SAMM50: variants seen among roughly 807,000 people sequenced by gnomAD.
SAMM50 encodes the protein SAMM50 sorting and assembly machinery component.
Under a neutral mutation model 66.9 loss-of-function variants are expected in SAMM50, and 47 were observed. The observed-to-expected ratio is 0.70, with a 90% CI of 0.56 to 0.90. SAMM50 has a LOEUF of 0.90. SAMM50 is among the 40% of genes least tolerant of loss of function. SAMM50 has a pLI of 0.00. For missense variants in SAMM50, 535 were observed against 595.3 expected (o/e 0.90, Z 1.05); for synonymous variants, 191 against 214.1 (o/e 0.89, Z 0.94).
Position 43,983,709 on chromosome 22 carries a change from C to T in SAMM50, c.1008-224C>T, listed in dbSNP as rs1018675751. 2.6e-5 allele frequency among the ~76,000 whole-genome samples: 4 copies of T among 152,156 alleles called. No homozygotes were observed. The highest frequency in any genetic ancestry group is 9.7e-5 in the African/African-American group (4 of 41,438). On this transcript the variant is annotated intron_variant, in intron 11 of 14. Coordinates refer to ENST00000350028, the MANE Select transcript of SAMM50 (RefSeq NM_015380.5). The surrounding 1 kb of genome is among the most constrained non-coding windows in gnomAD (Gnocchi z 4.2). ...TGTTTCTTGGCATCTTGTGTCTCAC[C>T]TGCATCTCCAAAGTTTGCAGTGTCT...
chr22:43,990,256 T>C lies in SAMM50; in HGVS notation c.1223-9T>C, dbSNP rs780760585. 9.9e-6 allele frequency: 16 copies of C among 1,614,120 alleles called. No individual in the cohort carries two copies. The highest frequency in any genetic ancestry group is 5.0e-5 in the Admixed American group (3 of 60,018). On this transcript the variant is annotated splice_polypyrimidine_tract_variant and intron_variant, in intron 13 of 14. Transcript: ENST00000350028. ...ACGCACTGTTGCTCACAGGTCTTTC[T>C]CTTTTCAGGGGAGGGCCCCAAAGCT...
chr22:43,984,449 A>G (rs2146823882), intron 12 of SAMM50, among the ~76,000 whole-genome samples: 1 of 150,780 alleles, frequency 6.6e-6, no homozygotes, highest in African/African-American at 2.4e-5. Flanking sequence ...AGTAGCTGGG[A>G]TTACAGGCAC....
intron 3 of SAMM50, among the ~76,000 whole-genome samples, chr22:43,967,884 A>G (rs763352549): frequency 6.6e-6 from 1 of 152,192 alleles, no homozygotes; most frequent in African/African-American, 2.4e-5. Context: ...GCTGTTGACA[A>G]CAAAGAAAGG....
chr22:43,962,260 G>A (rs2094863868), intron 1 of SAMM50, among the ~76,000 whole-genome samples: 1 of 152,218 alleles, frequency 6.6e-6, no homozygotes, highest in Admixed American at 6.5e-5. Flanking sequence ...TACTGTAAGT[G>A]AAAATCAGAA....
chr22:43,978,674 G>T (rs1038750838), intron 10 of SAMM50, among the ~76,000 whole-genome samples: 32 of 151,442 alleles, frequency 2.1e-4, no homozygotes, highest in African/African-American at 7.5e-4. Context: ...TGTTGGGTCA[G>T]TTTCTCCTGA....
chr22:43,967,777 G>A (rs185266130), intron 3 of SAMM50, among the ~76,000 whole-genome samples: 5 of 152,240 alleles, frequency 3.3e-5, no homozygotes, highest in East Asian at 1.9e-4. Context: ...CTTATCACAC[G>A]AGGGCCTTTC....
chr22:43,974,877 C>T (rs1183559061), intron 7 of SAMM50: 1 of 152,102 alleles, frequency 6.6e-6, no homozygotes, highest in African/African-American at 2.4e-5. Flanking sequence ...GTAGAAATAC[C>T]TTATTTTTTC....
At chr22:43,977,272 G>T (rs1180214587) in intron 9 of SAMM50, among the ~76,000 whole-genome samples, 1 of 152,194 alleles carries the variant, frequency 6.6e-6, no homozygotes, top group East Asian at 1.9e-4. Context: ...CTGTCTTTGG[G>T]TTGCCCTCTT....
intron 1 of SAMM50, among the ~76,000 whole-genome samples, chr22:43,962,016 ATGTG>A (rs2050149486): frequency 6.6e-6 from 1 of 151,870 alleles, no homozygotes; most frequent in African/African-American, 2.4e-5. Context: ...GTGTGTGTGT[ATGTG>A]ATATTATGTT....
rs551605425 is a variant in SAMM50 at position 43,955,893 on chromosome 22, C to T, written c.21+295C>T. On this transcript the variant is annotated intron_variant, in intron 1 of 14. Coordinates refer to ENST00000350028, the MANE Select transcript of SAMM50 (RefSeq NM_015380.5). ...TGTCTTAGACCGCAGTGAATGTGCT[C>T]TTTCTTTGCATGATTTTAAGTTTTC... Among the ~76,000 whole-genome samples, 4 of 152,368 alleles carry T rather than the reference C, an allele frequency of 2.6e-5. No individual in the cohort carries two copies. The East Asian group carries it at 5.8e-4, about 22-fold the overall frequency.
At chr22:43,994,375 C>T (rs2050341742) in intron 14 of SAMM50, among the ~76,000 whole-genome samples, 1 of 152,206 alleles carries the variant, frequency 6.6e-6, no homozygotes, top group Non-Finnish European at 1.5e-5. Flanking sequence ...AGGACTTCAT[C>T]TGCCTTGTTC....
intron 14 of SAMM50, among the ~76,000 whole-genome samples, chr22:43,994,097 G>C (rs893615722): frequency 2.0e-5 from 3 of 152,298 alleles, no homozygotes; most frequent in African/African-American, 7.2e-5. Flanking sequence ...GGTGCTGAGA[G>C]GGCCCCCTGG....
chr22:43,978,307 C>T (rs1350629146), intron 10 of SAMM50, among the ~76,000 whole-genome samples: 4 of 151,388 alleles, frequency 2.6e-5, no homozygotes, highest in African/African-American at 7.3e-5. Flanking sequence ...TGGTGGTGGG[C>T]GCCTGAAGTC....
At position 43,964,551 on chromosome 22, in the gene SAMM50, G is replaced by A; in HGVS notation, c.232G>A (p.Glu78Lys). ...GDVFKAKNLI[E>K]VMRKSHEARE... is the part of the protein sequence containing the mutation. ...TGTTTTCAAGGCCAAAAACCTAATT[G>A]AGGTAGGTGTGGTCTCTACATGGTG... Residue 78 changes from glutamate (E) to lysine (K), a missense_variant and splice_region_variant, in exon 3 of 15, where the codon GAG becomes AAG. Glu to Lys is a moderately conservative substitution (Grantham distance 56). Transcript: ENST00000350028. 3.9e-6 allele frequency: 6 copies of A among 1,545,194 alleles called. No individual in the cohort carries two copies. The highest frequency in any genetic ancestry group is 5.4e-6 in the Non-Finnish European group (6 of 1,117,334).
At position 43,972,192 on chromosome 22, in the gene SAMM50, A is replaced by T. The variant is rs376840899; in HGVS notation, c.323-44A>T. ...TTTTAGCAATGGGAACCCAAAGTAA[A>T]ATAACATCCTGGCTGTCTTATTGTT... On this transcript the variant is annotated intron_variant, in intron 4 of 14. Transcript: ENST00000350028. The T allele has an allele frequency of 4.2e-5, 54 of 1,289,688 alleles. No individual in the cohort carries two copies. The South Asian group carries it at 5.1e-4, about 12-fold the overall frequency. 79.9% of individuals were successfully genotyped at this position (1,289,688 alleles called of 1,614,324 possible). A position where few individuals can be genotyped will look rare whatever the true frequency, so the allele number is the denominator to read the frequency against.
intron 13 of SAMM50, 111 bp downstream of exon 13, chr22:43,989,368 C>T (rs2050311119): frequency 1.5e-5 from 16 of 1,100,522 alleles, no homozygotes; most frequent in East Asian, 2.7e-5. Flanking sequence ...GATGGAGTCT[C>T]GCTCTATTGC....
intron 12 of SAMM50, chr22:43,987,913 T>TATAG (rs745965697): frequency 1.3e-5 from 2 of 151,292 alleles, no homozygotes; most frequent in Admixed American, 1.3e-4. Context: ...TATATATATA[T>TATAG]ACACACACAG....
chr22:43,962,759 T>G (rs1253195538), intron 1 of SAMM50, among the ~76,000 whole-genome samples: 2 of 152,168 alleles, frequency 1.3e-5, no homozygotes, highest in Non-Finnish European at 2.9e-5. Context: ...AATGCCTTTG[T>G]GGCATTTTAT....
chr22:43,977,010 C>T (rs1185281425), intron 9 of SAMM50, among the ~76,000 whole-genome samples, 189 bp downstream of exon 9: 3 of 152,214 alleles, frequency 2.0e-5, no homozygotes, highest in East Asian at 3.9e-4. Flanking sequence ...CTCCCTACCC[C>T]CTGCAGTTCA....
Sources: gnomAD v4.1 joint callset for allele counts (sites outside exome capture counted in the v4.1 genomes callset) on GRCh38, gnomAD v4.1.1 for gene constraint, Gnocchi (gnomAD v3.1) non-coding constraint, MANE v1.5 for transcripts, NCBI Gene and HGNC (gene_info 2026-07-23, HGNC 2026-07-21) for gene names.